ZNF138: variants seen among roughly 807,000 people sequenced by gnomAD.
The protein encoded by ZNF138 is zinc finger protein 138 (clone pHZ-32).
Under a neutral mutation model 33.0 loss-of-function variants are expected in ZNF138, and 33 were observed. The ratio of observed to expected loss-of-function variants is 1.00; its 90% CI spans 0.76 to 1.34. ZNF138 has a LOEUF of 1.34. ZNF138 is among the 40% of genes most tolerant of loss of function. The probability of loss-of-function intolerance (pLI) is 0.00; values close to 1 mark genes in which losing one functional copy is unlikely to be tolerated. For missense variants in ZNF138, 360 were observed against 370.8 expected, an observed-to-expected ratio of 0.97 and a Z score of 0.24; for synonymous variants, 139 against 120.4, an observed-to-expected ratio of 1.15 and a Z score of -1.01.
At chr7:64,810,567 T>TTG (rs56061777) in intron 1 of ZNF138, among the ~76,000 whole-genome samples, 15 of 2,232 alleles carry the variant, frequency 6.7e-3, no homozygotes, top group Non-Finnish European at 0.039. Flanking sequence ...TTTAAATTGC[T>TTG]TATTAGTATA....
intron 1 of ZNF138, among the ~76,000 whole-genome samples, chr7:64,809,742 G>A (rs1486952371): frequency 6.9e-5 from 10 of 145,334 alleles, no homozygotes; most frequent in Admixed American, 4.7e-4. Context: ...CTTCTCAGAC[G>A]GGGCGGCCGG....
chr7:64,843,506 T>C, the ZNF138 span, among the ~76,000 whole-genome samples: 42 of 152,294 alleles, frequency 2.8e-4, no homozygotes, highest in East Asian at 6.9e-3. Context: ...TAAGTTGATA[T>C]AGTTTTTTTT....
intron 1 of ZNF138, among the ~76,000 whole-genome samples, chr7:64,811,556 G>T (rs1745388676): frequency 6.6e-6 from 1 of 152,130 alleles, no homozygotes; most frequent in African/African-American, 2.4e-5. Context: ...ATGTTGGCCA[G>T]GTTGGTCTTG....
At chr7:64,851,768 A>G in the ZNF138 span, among the ~76,000 whole-genome samples, 1 of 152,192 alleles carries the variant, frequency 6.6e-6, no homozygotes, top group Admixed American at 6.5e-5. Context: ...CCTCCAAAAA[A>G]AGAAATAAGA....
chr7:64,851,009 G>A, the ZNF138 span, among the ~76,000 whole-genome samples: 1 of 151,988 alleles, frequency 6.6e-6, no homozygotes, highest in East Asian at 1.9e-4. Flanking sequence ...ACATTATGGG[G>A]TACAATGAGA....
At chr7:64,809,818 C>T (rs199689409) in intron 1 of ZNF138, among the ~76,000 whole-genome samples, 66,356 of 109,674 alleles carry the variant, frequency 0.61, 20,003 homozygotes, top group East Asian at 0.7. Flanking sequence ...ACATCCCAGA[C>T]GGGGCGGCGG....
the ZNF138 span, among the ~76,000 whole-genome samples, chr7:64,841,468 A>G: frequency 2.6e-5 from 4 of 151,628 alleles, no homozygotes; most frequent in African/African-American, 9.7e-5. Flanking sequence ...GATAAGCCAT[A>G]AATATTCCTG....
At chr7:64,853,185 C>A in the ZNF138 span, 1 of 1,591,504 alleles carries the variant, frequency 6.3e-7, no homozygotes. Context: ...CATAAAGGCT[C>A]CCAGAAACTG....
chr7:64,831,568 A>G lies in ZNF138; in HGVS notation c.326A>G (p.Lys109Arg), dbSNP rs1790082036. ...KYGHKNLQLR[K>R]GCKSVDECKG... is the part of the protein sequence containing the mutation. ...GGACATAAGAATTTACAGTTAAGAAAAGGCTGTAAAAGTGTGGATGAGTGT... is the reference window on the plus strand; with the variant it reads ...GGACATAAGAATTTACAGTTAAGAAGAGGCTGTAAAAGTGTGGATGAGTGT... Residue 109 changes from lysine (K) to arginine (R), a missense_variant, in exon 4 of 4, where the codon AAA becomes AGA. Coordinates refer to ENST00000307355, the MANE Select transcript of ZNF138 (RefSeq NM_001271639.2). 6.2e-7 allele frequency: 1 copy of G among 1,613,498 alleles called. No individual in the cohort carries two copies. Among genetic ancestry groups the G allele is most frequent in the African/African-American group, 1.3e-5 (1 of 74,916 alleles).
chr7:64,795,076 G>C (rs923992644), intron 1 of ZNF138, among the ~76,000 whole-genome samples: 16 of 152,134 alleles, frequency 1.1e-4, no homozygotes, highest in African/African-American at 3.4e-4. Context: ...ACTTGTATAA[G>C]GTGTATGATA....
intron 1 of ZNF138, among the ~76,000 whole-genome samples, chr7:64,798,221 G>A (rs1388028847): frequency 6.6e-6 from 1 of 152,198 alleles, no homozygotes; most frequent in Non-Finnish European, 1.5e-5. Context: ...GATTACAGGC[G>A]TGAGCCACCA....
chr7:64,813,203 AAAG>A (rs1304375289), intron 1 of ZNF138, among the ~76,000 whole-genome samples: 1 of 152,182 alleles, frequency 6.6e-6, no homozygotes, highest in Non-Finnish European at 1.5e-5. Flanking sequence ...GGTCCTTAGT[AAAG>A]AAGGAGAACA....
chr7:64,848,194 T>C, the ZNF138 span, among the ~76,000 whole-genome samples: 3 of 151,700 alleles, frequency 2.0e-5, no homozygotes, highest in East Asian at 3.9e-4. Context: ...TTCTAGCTTG[T>C]AGGGTTTCTG....
At chr7:64,839,805 G>A in the ZNF138 span, among the ~76,000 whole-genome samples, 9,468 of 152,028 alleles carry the variant, frequency 0.062, 339 homozygotes, top group East Asian at 0.14. Context: ...CCCGTGTTTC[G>A]GCACCAATGA....
chr7:64,806,100 C>T (rs1027960989), intron 1 of ZNF138, among the ~76,000 whole-genome samples: 1 of 152,090 alleles, frequency 6.6e-6, no homozygotes, highest in Non-Finnish European at 1.5e-5. Context: ...TTATATTTTC[C>T]AATCACTGTA....
rs758920370 is a variant in ZNF138, at chr7:64,815,037, T to C, written c.123T>C (p.Val41=). Residue 41 remains valine, a synonymous_variant, in exon 2 of 4, where the codon GTT becomes GTC. Transcript: ENST00000307355. ...TGTTAGAGAACTACAGAAACCTGGT[T>C]TTCTTGGGTGAGAATAACTTCAGTA... ...HVMLENYRNL[V]FLDLITCLEQ... 9 of 1,605,470 alleles carry C rather than the reference T, an allele frequency of 5.6e-6. No homozygotes were observed. The highest frequency in any genetic ancestry group is 6.8e-6 in the Non-Finnish European group (8 of 1,176,748).
chr7:64,840,421 A>T, the ZNF138 span, among the ~76,000 whole-genome samples: 1 of 152,148 alleles, frequency 6.6e-6, no homozygotes, highest in Admixed American at 6.5e-5. Context: ...TTTTATTTAT[A>T]ATTTAAACTT....
chr7:64,830,796 G>T, intron 3 of ZNF138: 1 of 967,158 alleles, frequency 1.0e-6, no homozygotes. Context: ...GAGACCATTT[G>T]TCTGGCTAAA....
the ZNF138 span, among the ~76,000 whole-genome samples, chr7:64,840,579 T>C: frequency 2.0e-5 from 3 of 152,180 alleles, no homozygotes; most frequent in African/African-American, 7.2e-5. Context: ...TTTGGATTAC[T>C]AACCCATTCT....
Sources: allele counts gnomAD v4.1 joint callset (sites outside exome capture counted in the v4.1 genomes callset), GRCh38; gene constraint gnomAD v4.1.1; transcripts MANE v1.5; gene names NCBI Gene and HGNC (gene_info 2026-07-23, HGNC 2026-07-21).